The following BIRC3 variants were observed in gnomAD, a reference collection of about 807,000 sequenced individuals.
The protein encoded by BIRC3 is baculoviral IAP repeat-containing protein 3.
A neutral mutation model predicts 59.0 loss-of-function variants in BIRC3; 26 were observed. That is an observed-to-expected ratio of 0.44 (90% CI 0.32 to 0.61). The LOEUF (loss-of-function observed/expected upper bound fraction) is 0.61, where lower values mean the gene tolerates loss of function less well. Ranked by LOEUF, BIRC3 falls within the 20% of genes least tolerant of loss-of-function variation. BIRC3 has a pLI of 0.04. For synonymous variants in BIRC3, 243 were observed against 249.2 expected (o/e 0.98, Z 0.24); for missense variants, 641 against 711.5 (o/e 0.90, Z 1.13).
At chr11:102,332,675 C>T (rs1326412991) in intron 6 of BIRC3, among the ~76,000 whole-genome samples, 1 of 152,180 alleles carries the variant, frequency 6.6e-6, no homozygotes, top group East Asian at 1.9e-4. Flanking sequence ...ATAAATCCAA[C>T]CCTGCCCATG....
intron 7 of BIRC3, 71 bp downstream of exon 7, chr11:102,336,291 G>C: frequency 6.8e-7 from 1 of 1,460,348 alleles, no homozygotes; most frequent in South Asian, 1.4e-5. Flanking sequence ...AATAATTTAT[G>C]ACTACTGAAA....
chr11:102,321,504 A>G (rs1385566547), intron 1 of BIRC3, among the ~76,000 whole-genome samples: 1 of 152,078 alleles, frequency 6.6e-6, no homozygotes, highest in East Asian at 1.9e-4. Context: ...ACAGGCGCGT[A>G]CCACCACACC....
chr11:102,337,219 A>T lies in BIRC3; in HGVS notation c.*117A>T, dbSNP rs1427361717. 5.4e-6 allele frequency: 4 copies of T among 741,826 alleles called. No individual in the cohort carries two copies. Among genetic ancestry groups the T allele is most frequent in the Non-Finnish European group, 7.8e-6 (4 of 514,678 alleles). 46.0% of individuals were successfully genotyped at this position (741,826 alleles called of 1,614,324 possible). On this transcript the variant is annotated 3_prime_UTR_variant, in exon 9 of 9. Transcript: ENST00000263464. ...TTTATTTATTTACAACTCAAAAAAC[A>T]TTGTTTTGTGTAACATATTTATATA... is the stretch of plus-strand genomic sequence containing the variant.
At chr11:102,326,438 C>A (rs1207151860) in intron 3 of BIRC3, among the ~76,000 whole-genome samples, 1 of 152,142 alleles carries the variant, frequency 6.6e-6, no homozygotes, top group Non-Finnish European at 1.5e-5. Context: ...GATTAGCTTG[C>A]AAGTGTGGGT....
At chr11:102,317,650 C>T (rs1463049181) in intron 1 of BIRC3, 79 bp downstream of exon 1, 2 of 153,390 alleles carry the variant, frequency 1.3e-5, no homozygotes, top group Non-Finnish European at 1.5e-5. Context: ...CGCGCCTCCC[C>T]TGGTGTAAGA....
intron 6 of BIRC3, 103 bp downstream of exon 6, chr11:102,331,344 C>T (rs1361501069): frequency 5.0e-6 from 6 of 1,209,050 alleles, no homozygotes; most frequent in African/African-American, 3.2e-5. Flanking sequence ...TATACTCAAT[C>T]CAGTCAGGTT....
intron 6 of BIRC3, among the ~76,000 whole-genome samples, chr11:102,333,195 T>C (rs187190525): frequency 6.6e-6 from 1 of 152,296 alleles, no homozygotes; most frequent in Admixed American, 6.5e-5. Flanking sequence ...AGGTTAATGA[T>C]TACGTTATAG....
In BIRC3 at chr11:102,325,305, C is replaced by T. The variant is rs377560709; in HGVS notation, c.796C>T (p.Pro266Ser). The change falls in exon 2 of 9, where the codon CCC becomes TCC. Residue 266 changes from proline to serine, a missense_variant. Around this residue, in one of 4 missense-constraint regions of BIRC3, gnomAD observed 329 missense variants for 365.6 expected, o/e 0.90. Transcript: ENST00000263464. ...CCGCTTTAAAACATTCTTTAACTGG[C>T]CCTCTAGTGTTCTAGTTAATCCTGA... ...AARFKTFFNW[P>S]SSVLVNPEQL... 3.1e-6 allele frequency: 5 copies of T among 1,613,812 alleles called. No individual in the cohort carries two copies. Among genetic ancestry groups the T allele is most frequent in the Non-Finnish European group, 4.2e-6 (5 of 1,179,876 alleles).
At position 102,324,591 on chromosome 11, in the gene BIRC3, T is replaced by G; in HGVS notation, c.82T>G (p.Cys28Gly). Reference protein sequence around the residue: ...NTFELKYDLSCELYRMSTYST... With the variant: ...NTFELKYDLSGELYRMSTYST... ...GTTTGAACTGAAATACGACTTGTCATGTGAACTGTACCGAATGTCTACGTA... is the reference window on the plus strand; with the variant it reads ...GTTTGAACTGAAATACGACTTGTCAGGTGAACTGTACCGAATGTCTACGTA... The change falls in exon 2 of 9, where the codon TGT (cysteine) becomes GGT (glycine). Residue 28 changes from cysteine (C) to glycine (G), a missense_variant. This residue lies in a region of BIRC3 where 329 missense variants were observed against 365.6 expected (regional missense o/e 0.90). Transcript: ENST00000263464. The G allele has an allele frequency of 1.2e-5, 20 of 1,614,160 alleles. No homozygotes were observed. Among genetic ancestry groups the G allele is most frequent in the Non-Finnish European group, 1.4e-5 (17 of 1,179,990 alleles).
In BIRC3 at chr11:102,322,301, C is replaced by G. The variant is rs868568420; in HGVS notation, c.-2209C>G. On this transcript the variant is annotated 5_prime_UTR_variant, in exon 2 of 9. Coordinates refer to ENST00000263464, the MANE Select transcript of BIRC3 (RefSeq NM_001165.5). ...AGAAACATGCAGATGAAAGTTTTGA[C>G]ACATTAAAATACTTCTACAGTGACA... is the stretch of plus-strand genomic sequence containing the variant. 9.6e-6 allele frequency: 2 copies of G among 207,254 alleles called. No individual in the cohort carries two copies. Among genetic ancestry groups the G allele is most frequent in the Middle Eastern group, 1.6e-3 (1 of 630 alleles). The allele number at this position is 207,254 out of a possible 1,614,324, so 12.8% of individuals were successfully genotyped here. A position where few individuals can be genotyped will look rare whatever the true frequency, so the allele number is the denominator to read the frequency against.
chr11:102,322,974 ATCCATGAAATAAT>A lies in BIRC3; in HGVS notation c.-1534_-1522del. The A allele has an allele frequency of 1.5e-5, 3 of 201,258 alleles. No individual in the cohort carries two copies. The East Asian group carries it at 2.3e-4, about 15-fold the overall frequency. The allele number at this position is 201,258 out of a possible 1,614,324, so 12.5% of individuals were successfully genotyped here. ...GATAAATTCTGGTTCAAGGTATGCT[ATCCATGAAATAAT>A]TTCTGACCAAAACTAAATTGATGCA... On this transcript the variant is annotated 5_prime_UTR_variant, in exon 2 of 9. It removes an upstream start codon present in the reference 5' UTR. Transcript: ENST00000263464.
At position 102,324,774 on chromosome 11, in the gene BIRC3, T is replaced by A; in HGVS notation, c.265T>A (p.Leu89Met). The A allele has an allele frequency of 1.2e-6, 2 of 1,614,178 alleles. No individual in the cohort carries two copies. Among genetic ancestry groups the A allele is most frequent in the Non-Finnish European group, 1.7e-6 (2 of 1,180,014 alleles). Residue 89 changes from leucine to methionine, a missense_variant, in exon 2 of 9, where the codon TTG (leucine) becomes ATG (methionine). Leu to Met is a conservative substitution (Grantham distance 15, BLOSUM62 2). Transcript: ENST00000263464. ...GDSPTEKHKK[L>M]YPSCRFVQSL... ...CAGTCCTACTGAAAAGCATAAAAAG[T>A]TGTATCCTAGCTGCAGATTCGTTCA...
At chr11:102,332,184 G>A (rs11225210) in intron 6 of BIRC3, among the ~76,000 whole-genome samples, 1,857 of 152,114 alleles carry the variant, frequency 0.012, 29 homozygotes, top group African/African-American at 0.043. Flanking sequence ...AAACTCTTCT[G>A]GGCACATACA....
chr11:102,327,644 A>G (rs532425349), intron 3 of BIRC3, among the ~76,000 whole-genome samples: 15 of 152,242 alleles, frequency 9.9e-5, no homozygotes, highest in African/African-American at 3.1e-4. Context: ...TGTCTAAAAA[A>G]AAAAAAATTA....
chr11:102,317,619 G>C (rs1410885081), intron 1 of BIRC3, 48 bp downstream of exon 1: 1 of 153,404 alleles, frequency 6.5e-6, no homozygotes, highest in East Asian at 1.9e-4. Context: ...GCGTGTGTGT[G>C]TGTGTATGTG....
intron 1 of BIRC3, among the ~76,000 whole-genome samples, chr11:102,317,982 G>A (rs528740334): frequency 1.4e-4 from 21 of 152,308 alleles, no homozygotes; most frequent in African/African-American, 5.1e-4. Context: ...GTTTCCAAGC[G>A]GTGGTAGGAA....
rs750897944 is a variant in BIRC3, at chr11:102,325,246, C to G, written c.737C>G (p.Thr246Arg). ...ENQLQDTSRYTVSNLSMQTHA... is the reference protein window; with the variant it reads ...ENQLQDTSRYRVSNLSMQTHA... The stretch of plus-strand genomic sequence containing the variant: ...CAGCTTCAAGACACTTCAAGATACA[C>G]AGTTTCTAATCTGAGCATGCAGACA... Residue 246 changes from threonine (T) to arginine (R), a missense_variant, in exon 2 of 9, where the codon ACA becomes AGA. Thr to Arg is a moderately conservative substitution (Grantham distance 71). Coordinates refer to ENST00000263464, the MANE Select transcript of BIRC3 (RefSeq NM_001165.5). 1 of 1,614,146 alleles carries G rather than the reference C, an allele frequency of 6.2e-7. No individual in the cohort carries two copies. Among genetic ancestry groups the G allele is most frequent in the Non-Finnish European group, 8.5e-7 (1 of 1,180,028 alleles).
At chr11:102,320,214 A>C (rs1951016239) in intron 1 of BIRC3, 1 of 151,990 alleles carries the variant, frequency 6.6e-6, no homozygotes, top group Non-Finnish European at 1.5e-5. Flanking sequence ...TTGCAAACTC[A>C]AATGGAGGTG....
chr11:102,325,255 A>G lies in BIRC3; in HGVS notation c.746A>G (p.Asn249Ser), dbSNP rs747649672. The G allele has an allele frequency of 6.2e-7, 1 of 1,614,200 alleles. No homozygotes were observed. The highest frequency in any genetic ancestry group is 8.5e-7 in the Non-Finnish European group (1 of 1,180,026). Reference sequence around the variant, plus strand: ...GACACTTCAAGATACACAGTTTCTAATCTGAGCATGCAGACACATGCAGCC... The same window carrying G: ...GACACTTCAAGATACACAGTTTCTAGTCTGAGCATGCAGACACATGCAGCC... ...LQDTSRYTVSNLSMQTHAARF... is the reference protein window; with the variant it reads ...LQDTSRYTVSSLSMQTHAARF... The change falls in exon 2 of 9, where the codon AAT becomes AGT. Residue 249 changes from asparagine (N) to serine (S), a missense_variant. Physicochemically the swap from Asn to Ser is conservative, Grantham distance 46. Around this residue, in one of 4 missense-constraint regions of BIRC3, gnomAD observed 329 missense variants for 365.6 expected, o/e 0.90. Coordinates refer to ENST00000263464, the MANE Select transcript of BIRC3 (RefSeq NM_001165.5).
Sources: gnomAD v4.1 joint callset for allele counts (sites outside exome capture counted in the v4.1 genomes callset) on GRCh38, gnomAD v4.1.1 for gene constraint, gnomAD v4.1.1 regional missense constraint, MANE v1.5 for transcripts, NCBI Gene and HGNC (gene_info 2026-07-23, HGNC 2026-07-21) for gene names.